The following NRXN3 variants were observed in gnomAD, a reference collection of about 807,000 sequenced individuals.
The protein encoded by NRXN3 is neurexin III.
A neutral mutation model predicts 137.6 loss-of-function variants in NRXN3; 32 were observed. The ratio of observed to expected loss-of-function variants is 0.23; its 90% confidence interval spans 0.18 to 0.31. NRXN3 has a LOEUF of 0.31. NRXN3 is among the 10% of genes least tolerant of loss of function. The pLI is 1.00. For synonymous variants in NRXN3, 798 were observed against 784.5 expected (o/e 1.02, Z -0.29); for missense variants, 1,574 against 2,062.5 (o/e 0.76, Z 4.59).
At chr14:79,816,369 C>T (rs1283518290) in intron 20 of NRXN3, among the ~76,000 whole-genome samples, 1 of 152,154 alleles carries the variant, frequency 6.6e-6, no homozygotes, top group African/African-American at 2.4e-5. Context: ...CAAGGAGGTC[C>T]TTGGCTTTAA....
At chr14:79,103,464 G>A (rs933513242) in intron 15 of NRXN3, among the ~76,000 whole-genome samples, 2 of 152,146 alleles carry the variant, frequency 1.3e-5, no homozygotes, top group Non-Finnish European at 2.9e-5. Flanking sequence ...AAGATAATGA[G>A]TTCGTTTTTA....
At chr14:79,852,274 C>CACACACACAG (rs2099393308) in intron 20 of NRXN3, among the ~76,000 whole-genome samples, 1 of 148,538 alleles carries the variant, frequency 6.7e-6, no homozygotes, top group South Asian at 2.1e-4. Flanking sequence ...CACACACACA[C>CACACACACAG]ACACACCTCT....
intron 15 of NRXN3, among the ~76,000 whole-genome samples, chr14:79,067,027 G>T (rs771520584): frequency 1.3e-5 from 2 of 152,078 alleles, no homozygotes; most frequent in Non-Finnish European, 2.9e-5. Flanking sequence ...GTGAGGAAAG[G>T]CATCGTTGTC....
intron 15 of NRXN3, among the ~76,000 whole-genome samples, chr14:79,102,128 A>T (rs2051437457): frequency 6.6e-6 from 1 of 152,126 alleles, no homozygotes; most frequent in Non-Finnish European, 1.5e-5. Flanking sequence ...TGTGAAAAAT[A>T]AATTTCTGTT....
chr14:78,615,180 T>C (rs772989127), intron 4 of NRXN3: 2 of 438,878 alleles, frequency 4.6e-6, no homozygotes, highest in Non-Finnish European at 9.2e-6. Context: ...ATTGAACTTT[T>C]ATCTCATTAG....
chr14:79,806,332 C>T (rs2099205086), intron 20 of NRXN3, among the ~76,000 whole-genome samples: 1 of 152,072 alleles, frequency 6.6e-6, no homozygotes, highest in South Asian at 2.1e-4. Context: ...TACAAGATTT[C>T]AAATCTGTTG....
intron 15 of NRXN3, among the ~76,000 whole-genome samples, chr14:79,044,772 T>C (rs900120295): frequency 1.3e-5 from 2 of 151,400 alleles, no homozygotes; most frequent in African/African-American, 4.9e-5. Flanking sequence ...AGCTCAGTGG[T>C]TCCATATACT....
At chr14:78,278,555 G>T in intron 2 of NRXN3, 90 bp from the exon 3 acceptor site, 1 of 862,424 alleles carries the variant, frequency 1.2e-6, no homozygotes, top group Non-Finnish European at 1.8e-6. Context: ...ACATTGCATT[G>T]TGTGTGTGTG....
rs375363514 is a variant in NRXN3 at position 78,988,156 on chromosome 14, C to T, written c.3262+15C>T. On this transcript the variant is annotated intron_variant, in intron 15 of 20. Transcript: ENST00000335750. The stretch of plus-strand genomic sequence containing the variant: ...GTGCAATGATCGTAAGTACAACAAC[C>T]TTTCATACTGGAACTTTGTGAAGAT... 2.2e-5 allele frequency: 36 copies of T among 1,613,508 alleles called. No homozygotes were observed. The African/African-American group carries it at 4.0e-4, about 18-fold the overall frequency.
chr14:78,267,068 C>T (rs986323195), intron 2 of NRXN3, among the ~76,000 whole-genome samples: 2 of 152,180 alleles, frequency 1.3e-5, no homozygotes, highest in Admixed American at 1.3e-4. Flanking sequence ...TTCTTTCTAT[C>T]CCAGGCCCAT....
chr14:78,597,615 A>T (rs2097168456), intron 4 of NRXN3, among the ~76,000 whole-genome samples: 3 of 152,148 alleles, frequency 2.0e-5, no homozygotes, highest in African/African-American at 2.4e-5. Flanking sequence ...AGGGCCTTAG[A>T]TCCTCTGCCC....
intron 10 of NRXN3, among the ~76,000 whole-genome samples, chr14:78,837,903 G>T (rs998286588): frequency 6.6e-6 from 1 of 152,076 alleles, no homozygotes. Flanking sequence ...TTTTCAAGTT[G>T]ATCTCTTGGA....
At chr14:79,742,541 AT>A (rs967573839) in intron 19 of NRXN3, among the ~76,000 whole-genome samples, 4 of 152,250 alleles carry the variant, frequency 2.6e-5, no homozygotes, top group African/African-American at 9.6e-5. Context: ...CAATCCAAGT[AT>A]TTCTAAATAA....
intron 4 of NRXN3, among the ~76,000 whole-genome samples, chr14:78,370,143 A>G (rs931193641): frequency 1.3e-5 from 2 of 151,714 alleles, no homozygotes; most frequent in Non-Finnish European, 2.9e-5. Flanking sequence ...CCACTATCCT[A>G]TCTCCCCTTG....
At chr14:78,337,791 G>A (rs1166036041) in intron 4 of NRXN3, among the ~76,000 whole-genome samples, 1 of 152,102 alleles carries the variant, frequency 6.6e-6, no homozygotes, top group East Asian at 1.9e-4. Context: ...GGTGGTTGGC[G>A]ACATGATTTT....
intron 8 of NRXN3, among the ~76,000 whole-genome samples, chr14:78,785,891 C>T (rs80297628): frequency 0.017 from 2,569 of 152,184 alleles, 80 homozygotes; most frequent in African/African-American, 0.058. Context: ...CTATATGATA[C>T]CATATCCTTC....
intron 15 of NRXN3, among the ~76,000 whole-genome samples, chr14:79,111,248 G>A (rs1233419826): frequency 1.3e-5 from 2 of 152,162 alleles, no homozygotes; most frequent in Non-Finnish European, 2.9e-5. Context: ...TTTGCCTCTG[G>A]AAGGCCAAAT....
chr14:79,053,469 C>T (rs563938592), intron 15 of NRXN3, among the ~76,000 whole-genome samples: 1 of 152,122 alleles, frequency 6.6e-6, no homozygotes, highest in African/African-American at 2.4e-5. Flanking sequence ...GAATAATGGG[C>T]GATATCTACC....
chr14:78,193,255 T>G (rs2060909329), intron 1 of NRXN3, among the ~76,000 whole-genome samples: 2 of 152,154 alleles, frequency 1.3e-5, no homozygotes. Flanking sequence ...AACCCCTCAT[T>G]CTGGAAATAC....
Sources: allele counts gnomAD v4.1 joint callset (sites outside exome capture counted in the v4.1 genomes callset), GRCh38; gene constraint gnomAD v4.1.1; transcripts MANE v1.5; gene names NCBI Gene and HGNC (gene_info 2026-07-23, HGNC 2026-07-21).